ZSWIM7: variants seen among roughly 807,000 people sequenced by gnomAD.
ZSWIM7 encodes the protein zinc finger SWIM domain-containing protein 7.
ZSWIM7 carries 22 observed loss-of-function variants against 21.1 expected under a neutral mutation model. The ratio of observed to expected loss-of-function variants is 1.04; its 90% CI spans 0.74 to 1.49. ZSWIM7 has a LOEUF of 1.49. Ranked by LOEUF, ZSWIM7 falls within the 40% of genes most tolerant of loss-of-function variation. The pLI, the probability that ZSWIM7 is intolerant of heterozygous loss-of-function variation, is 0.00. For synonymous variants in ZSWIM7, 67 were observed against 66.5 expected (o/e 1.01, Z -0.04); for missense variants, 193 against 168.0 (o/e 1.15, Z -0.82).
rs1345673868 is a variant in ZSWIM7, at chr17:15,977,806, G to A, written c.*241C>T. On this transcript the variant is annotated 3_prime_UTR_variant, in exon 5 of 5. Transcript: ENST00000399277. ...ATCCAGGGACATTTTTTACCGAAGC[G>A]TCTCAGAGACTGGCTCAGGGTATTT... 6 of 363,072 alleles carry A rather than the reference G, an allele frequency of 1.7e-5. No homozygotes were observed. In the East Asian group the frequency reaches 1.7e-4, roughly 10 times the overall value. The allele number at this position is 363,072 out of a possible 1,614,324, so 22.5% of individuals were successfully genotyped here. A position where few individuals can be genotyped will look rare whatever the true frequency, so the allele number is the denominator to read the frequency against.
chr17:15,992,532 C>G (rs538593680), intron 2 of ZSWIM7, among the ~76,000 whole-genome samples: 1 of 151,060 alleles, frequency 6.6e-6, no homozygotes, highest in Admixed American at 6.6e-5. Flanking sequence ...CTCTGCCTCC[C>G]AGGTTCAAGC....
At chr17:15,982,031 G>A (rs1188204981) in intron 3 of ZSWIM7, among the ~76,000 whole-genome samples, 1 of 152,192 alleles carries the variant, frequency 6.6e-6, no homozygotes, top group Non-Finnish European at 1.5e-5. Flanking sequence ...TGACTCAGCT[G>A]TTCAGGATGG....
At chr17:15,993,693 A>G in intron 2 of ZSWIM7, 64 bp downstream of exon 2, 1 of 1,227,534 alleles carries the variant, frequency 8.1e-7, no homozygotes, top group Non-Finnish European at 1.2e-6. Flanking sequence ...TCAAGAGTTG[A>G]TGTTGAAAGG....
chr17:15,981,190 A>G, intron 3 of ZSWIM7, 46 bp from the exon 4 acceptor site: 1 of 1,422,916 alleles, frequency 7.0e-7, no homozygotes, highest in Non-Finnish European at 9.8e-7. Flanking sequence ...TGTGCTGGAA[A>G]AACCACCTCT....
In ZSWIM7 at chr17:15,977,103, G is replaced by A. The variant is rs1311459959; in HGVS notation, c.*944C>T. Reference sequence around the variant, plus strand: ...GTTCCTTCAATTGCCCTGTTGTAAAGATCAGAAGTGCAGAGTGAAACCAGT... The same window carrying A: ...GTTCCTTCAATTGCCCTGTTGTAAAAATCAGAAGTGCAGAGTGAAACCAGT... On this transcript the variant is annotated 3_prime_UTR_variant, in exon 5 of 5. Transcript: ENST00000399277. The A allele has an allele frequency of 2.6e-5, 4 of 152,082 alleles. No individual in the cohort carries two copies. The highest frequency in any genetic ancestry group is 5.9e-5 in the Non-Finnish European group (4 of 68,010). The allele number at this position is 152,082 out of a possible 1,614,324, so 9.4% of individuals were successfully genotyped here. A position where few individuals can be genotyped will look rare whatever the true frequency, so the allele number is the denominator to read the frequency against.
intron 1 of ZSWIM7, 194 bp downstream of exon 1, chr17:15,999,325 G>A (rs1970629146): frequency 2.0e-5 from 15 of 742,370 alleles, no homozygotes; most frequent in East Asian, 2.7e-5. Context: ...GAATCGATTT[G>A]ACTTTTACTT....
chr17:15,996,230 G>A (rs1970552555), intron 1 of ZSWIM7, among the ~76,000 whole-genome samples: 1 of 152,152 alleles, frequency 6.6e-6, no homozygotes, highest in Non-Finnish European at 1.5e-5. Context: ...TTGAACCCAG[G>A]AGGCAGAGGG....
chr17:15,984,492 C>T (rs1970388410), intron 3 of ZSWIM7, among the ~76,000 whole-genome samples: 1 of 152,198 alleles, frequency 6.6e-6, no homozygotes, highest in East Asian at 1.9e-4. Context: ...AGGAACCTCA[C>T]TTGGAGGTGG....
At chr17:15,987,959 C>T (rs1970435853) in intron 2 of ZSWIM7, among the ~76,000 whole-genome samples, 1 of 152,074 alleles carries the variant, frequency 6.6e-6, no homozygotes, top group Non-Finnish European at 1.5e-5. Context: ...TAAAGAAGCC[C>T]TCTTTATACT....
At chr17:15,992,460 A>C (rs1477638348) in intron 2 of ZSWIM7, among the ~76,000 whole-genome samples, 1 of 105,850 alleles carries the variant, frequency 9.4e-6, no homozygotes, top group Non-Finnish European at 1.8e-5. Context: ...TTTTTTTGAG[A>C]TAGAGTTTCG....
intron 2 of ZSWIM7, among the ~76,000 whole-genome samples, chr17:15,991,651 A>T (rs934764996): frequency 6.6e-6 from 1 of 152,084 alleles, no homozygotes; most frequent in Non-Finnish European, 1.5e-5. Flanking sequence ...AAAGTAGTAC[A>T]TTTTTTTCCA....
intron 4 of ZSWIM7, 50 bp from the exon 5 acceptor site, chr17:15,978,213 G>C (rs765467315): frequency 7.1e-7 from 1 of 1,417,000 alleles, no homozygotes; most frequent in Non-Finnish European, 1.0e-6. Context: ...GGCCAGGGCT[G>C]GCCAGTCTAA....
chr17:15,987,564 C>T (rs188076881), intron 2 of ZSWIM7, among the ~76,000 whole-genome samples, 196 bp from the exon 3 acceptor site: 1 of 151,852 alleles, frequency 6.6e-6, no homozygotes, highest in Admixed American at 6.6e-5. Flanking sequence ...TATTTCAGAT[C>T]TTCTTGTATT....
intron 1 of ZSWIM7, 111 bp downstream of exon 1, chr17:15,999,408 A>T: frequency 8.1e-6 from 11 of 1,358,872 alleles, no homozygotes; most frequent in Non-Finnish European, 1.1e-5. Flanking sequence ...AACCACATGG[A>T]AAAAAGGCAG....
intron 2 of ZSWIM7, among the ~76,000 whole-genome samples, chr17:15,989,213 T>G (rs918749618): frequency 6.6e-6 from 1 of 152,228 alleles, no homozygotes; most frequent in African/African-American, 2.4e-5. Context: ...GAGAAAATTC[T>G]TATAATATTA....
At chr17:15,979,325 G>C (rs1262511018) in intron 4 of ZSWIM7, among the ~76,000 whole-genome samples, 4 of 152,156 alleles carry the variant, frequency 2.6e-5, no homozygotes, top group South Asian at 4.1e-4. Context: ...AGATCAACAG[G>C]ATCCCAAGGC....
intron 1 of ZSWIM7, among the ~76,000 whole-genome samples, chr17:15,997,482 C>T (rs1435923121): frequency 6.6e-6 from 1 of 152,060 alleles, no homozygotes; most frequent in Non-Finnish European, 1.5e-5. Flanking sequence ...GTTGTAACTC[C>T]AGGGAAATCC....
intron 1 of ZSWIM7, among the ~76,000 whole-genome samples, chr17:15,994,876 G>A (rs1007976390): frequency 1.3e-5 from 2 of 152,088 alleles, no homozygotes; most frequent in African/African-American, 4.8e-5. Context: ...TATTCCGTAA[G>A]CCCCTCTACC....
At chr17:15,982,216 C>G (rs945597468) in intron 3 of ZSWIM7, among the ~76,000 whole-genome samples, 1 of 152,188 alleles carries the variant, frequency 6.6e-6, no homozygotes, top group Non-Finnish European at 1.5e-5. Context: ...TATGATCGCA[C>G]AAATTTGCTG....
Sources: allele counts gnomAD v4.1 joint callset (sites outside exome capture counted in the v4.1 genomes callset), GRCh38; gene constraint gnomAD v4.1.1; transcripts MANE v1.5; gene names NCBI Gene and HGNC (gene_info 2026-07-23, HGNC 2026-07-21).